Variants in GRM8 observed in about 807,000 individuals in gnomAD.
GRM8 encodes glutamate metabotropic receptor 8.
A neutral mutation model predicts 87.2 loss-of-function variants in GRM8; 47 were observed. That is an observed-to-expected ratio of 0.54 (90% CI 0.43 to 0.69). GRM8 has a LOEUF of 0.69. Among genes scored for constraint, GRM8 ranks in the 30% least tolerant of loss-of-function variants. The pLI is 0.00. For missense variants in GRM8, 1,019 were observed against 1,139.2 expected, an observed-to-expected ratio of 0.89 and a Z score of 1.52; for synonymous variants, 396 against 404.5, an observed-to-expected ratio of 0.98 and a Z score of 0.25.
chr7:126,909,699 T>C (rs906911091), intron 3 of GRM8, among the ~76,000 whole-genome samples: 1 of 152,226 alleles, frequency 6.6e-6, no homozygotes, highest in Non-Finnish European at 1.5e-5. Context: ...TTTAACACTT[T>C]ATGTATACTT....
intron 7 of GRM8, among the ~76,000 whole-genome samples, chr7:126,764,943 T>C (rs1818028362): frequency 6.6e-6 from 1 of 152,044 alleles, no homozygotes; most frequent in Non-Finnish European, 1.5e-5. Flanking sequence ...CTGCTTAAGC[T>C]TTCCCCATAA....
chr7:126,585,386 T>C (rs1346085343), intron 8 of GRM8, among the ~76,000 whole-genome samples: 2 of 152,170 alleles, frequency 1.3e-5, no homozygotes, highest in Admixed American at 6.6e-5. Flanking sequence ...ATAAGGTTTG[T>C]CCATTAAGTT....
chr7:126,886,760 T>A (rs939456043), intron 6 of GRM8, among the ~76,000 whole-genome samples: 2 of 152,154 alleles, frequency 1.3e-5, no homozygotes, highest in Non-Finnish European at 2.9e-5. Context: ...AAGAAAGTAA[T>A]ACTTTCTTGT....
At chr7:126,503,772 G>A (rs1809997955) in intron 9 of GRM8, among the ~76,000 whole-genome samples, 1 of 151,978 alleles carries the variant, frequency 6.6e-6, no homozygotes, top group Admixed American at 6.6e-5. Context: ...ATGTAGACAG[G>A]GGAGTTGTGT....
At chr7:126,641,406 C>T (rs978237835) in intron 7 of GRM8, among the ~76,000 whole-genome samples, 1 of 152,080 alleles carries the variant, frequency 6.6e-6, no homozygotes, top group Non-Finnish European at 1.5e-5. Context: ...CTTCAAGAAG[C>T]TTACCTTTAT....
At chr7:126,528,357 T>C (rs907071992) in intron 9 of GRM8, among the ~76,000 whole-genome samples, 4 of 152,190 alleles carry the variant, frequency 2.6e-5, no homozygotes, top group African/African-American at 9.6e-5. Flanking sequence ...TCGAATATAT[T>C]CAGTCATTAA....
intron 8 of GRM8, among the ~76,000 whole-genome samples, chr7:126,539,427 G>A (rs1274665728): frequency 1.3e-5 from 2 of 151,912 alleles, no homozygotes; most frequent in Non-Finnish European, 2.9e-5. Context: ...CTCCTTCACT[G>A]AAATTGATCA....
intron 2 of GRM8, among the ~76,000 whole-genome samples, chr7:127,225,841 C>T (rs1350875528): frequency 6.6e-6 from 1 of 151,894 alleles, no homozygotes; most frequent in Non-Finnish European, 1.5e-5. Context: ...GCCCCACAGT[C>T]TTGTAGTAAA....
chr7:126,592,042 G>A (rs1400620950), intron 8 of GRM8, among the ~76,000 whole-genome samples: 1 of 151,034 alleles, frequency 6.6e-6, no homozygotes, highest in African/African-American at 2.4e-5. Flanking sequence ...AACTTACCAA[G>A]ACCAGACTAT....
chr7:126,868,407 C>A (rs1242874998), intron 6 of GRM8, among the ~76,000 whole-genome samples: 1 of 152,150 alleles, frequency 6.6e-6, no homozygotes, highest in East Asian at 1.9e-4. Flanking sequence ...CTGTACTGTC[C>A]CTTAAGGGGC....
intron 3 of GRM8, among the ~76,000 whole-genome samples, chr7:126,950,147 C>A (rs1807977797): frequency 6.6e-6 from 1 of 152,156 alleles, no homozygotes; most frequent in African/African-American, 2.4e-5. Context: ...CCAGGTGATT[C>A]AAACATTAAA....
At chr7:126,695,379 T>C (rs935045338) in intron 7 of GRM8, among the ~76,000 whole-genome samples, 1 of 152,256 alleles carries the variant, frequency 6.6e-6, no homozygotes, top group African/African-American at 2.4e-5. Flanking sequence ...GCTCATAGCA[T>C]GGAGACCAGG....
At chr7:126,572,513 C>T (rs1267009453) in intron 8 of GRM8, among the ~76,000 whole-genome samples, 2 of 152,096 alleles carry the variant, frequency 1.3e-5, no homozygotes, top group Non-Finnish European at 2.9e-5. Flanking sequence ...TTATTATTGA[C>T]AATACTAGGT....
chr7:126,573,867 A>G (rs559330342), intron 8 of GRM8, among the ~76,000 whole-genome samples: 1 of 152,266 alleles, frequency 6.6e-6, no homozygotes, highest in Non-Finnish European at 1.5e-5. Context: ...GATTACAGGC[A>G]TGAGCCACCA....
chr7:126,716,389 G>GAA (rs559664483), intron 7 of GRM8, among the ~76,000 whole-genome samples: 2 of 141,146 alleles, frequency 1.4e-5, no homozygotes. Flanking sequence ...TTTCTCTACA[G>GAA]AAAAAAAAAA....
intron 7 of GRM8, among the ~76,000 whole-genome samples, chr7:126,736,228 C>A (rs1814205355): frequency 6.6e-6 from 1 of 152,064 alleles, no homozygotes; most frequent in Non-Finnish European, 1.5e-5. Flanking sequence ...TTAACACATA[C>A]ACATGTACGG....
At chr7:126,582,320 G>C (rs1585118641) in intron 8 of GRM8, among the ~76,000 whole-genome samples, 1 of 152,088 alleles carries the variant, frequency 6.6e-6, no homozygotes, top group Non-Finnish European at 1.5e-5. Context: ...CCAAAGCAAG[G>C]TCCTAATTCT....
At chr7:126,546,564 G>A (rs1448466889) in intron 8 of GRM8, among the ~76,000 whole-genome samples, 1 of 152,164 alleles carries the variant, frequency 6.6e-6, no homozygotes, top group Non-Finnish European at 1.5e-5. Flanking sequence ...AATGAGTCAG[G>A]CCAGGCAATC....
At chr7:126,566,817 T>C (rs986141257) in intron 8 of GRM8, among the ~76,000 whole-genome samples, 4 of 152,110 alleles carry the variant, frequency 2.6e-5, no homozygotes, top group Non-Finnish European at 4.4e-5. Context: ...GAAAATGAGA[T>C]GCATAAATAC....
Sources: allele counts gnomAD v4.1 joint callset (sites outside exome capture counted in the v4.1 genomes callset), GRCh38; gene constraint gnomAD v4.1.1; transcripts MANE v1.5; gene names NCBI Gene and HGNC (gene_info 2026-07-23, HGNC 2026-07-21).